The following TP63 variants were observed in gnomAD, a reference collection of about 807,000 sequenced individuals.
TP63 encodes the protein tumor protein p63, also known as tumor protein 63.
In TP63, 17 loss-of-function variants were observed where a neutral mutation model predicts 82.8. The ratio of observed to expected loss-of-function variants is 0.21; its 90% CI spans 0.14 to 0.31. The LOEUF (loss-of-function observed/expected upper bound fraction) is 0.31, where lower values mean the gene tolerates loss of function less well. TP63 is among the 10% of genes least tolerant of loss of function. The pLI is 1.00. For synonymous variants in TP63, 330 were observed against 321.7 expected (o/e 1.03, Z -0.28); for missense variants, 648 against 895.3 (o/e 0.72, Z 3.52).
chr3:189,789,631 T>G, intron 3 of TP63: 1 of 1,372,994 alleles, frequency 7.3e-7, no homozygotes, highest in Non-Finnish European at 9.4e-7. Context: ...TATAGTTGGG[T>G]ATATATTAGG....
intron 9 of TP63, among the ~76,000 whole-genome samples, chr3:189,871,443 A>T (rs1188252451): frequency 6.6e-6 from 1 of 152,214 alleles, no homozygotes; most frequent in Non-Finnish European, 1.5e-5. Flanking sequence ...AGCTCCAAAG[A>T]TGCAAAAACT....
At chr3:189,608,706 A>C in the TP63 span, among the ~76,000 whole-genome samples, 2 of 152,084 alleles carry the variant, frequency 1.3e-5, no homozygotes, top group Admixed American at 6.5e-5. Context: ...TTCATTTTCA[A>C]CTTGTAGCTA....
intron 1 of TP63, among the ~76,000 whole-genome samples, chr3:189,725,782 G>A (rs1484676471): frequency 6.6e-6 from 1 of 152,192 alleles, no homozygotes; most frequent in Non-Finnish European, 1.5e-5. Context: ...CAGGCCGGGT[G>A]TGGTGGCTCA....
rs1451053032 is a variant in TP63, at chr3:189,895,035, TGA to T, written c.*535_*536del. 4.5e-6 allele frequency: 1 copy of T among 220,744 alleles called. No individual in the cohort carries two copies. The highest frequency in any genetic ancestry group is 2.2e-5 in the African/African-American group (1 of 44,552). The allele number at this position is 220,744 out of a possible 1,614,324, so 13.7% of individuals were successfully genotyped here. A position where few individuals can be genotyped will look rare whatever the true frequency, so the allele number is the denominator to read the frequency against. ...GGTATCTAGAGCTTAATGCTACATG[TGA>T]GTGACGATGATGTACAGATTCTTTC... On this transcript the variant is annotated 3_prime_UTR_variant, in exon 14 of 14. Coordinates refer to ENST00000264731, the MANE Select transcript of TP63 (RefSeq NM_003722.5).
At chr3:189,873,848 G>A (rs1452638638) in intron 10 of TP63, among the ~76,000 whole-genome samples, 1 of 152,118 alleles carries the variant, frequency 6.6e-6, no homozygotes, top group Non-Finnish European at 1.5e-5. Flanking sequence ...TGGAAGTATT[G>A]TCAGAGACTC....
chr3:189,751,906 C>T (rs558634134), intron 3 of TP63, among the ~76,000 whole-genome samples: 1 of 152,104 alleles, frequency 6.6e-6, no homozygotes, highest in Non-Finnish European at 1.5e-5. Context: ...TGCCTATGTC[C>T]TCCCTTTTAT....
At chr3:189,746,988 G>GA (rs564194351) in intron 3 of TP63, among the ~76,000 whole-genome samples, 4,452 of 137,936 alleles carry the variant, frequency 0.032, 77 homozygotes, top group Admixed American at 0.055. Context: ...GATTTTAAGG[G>GA]AAAAAAAAAA....
intron 1 of TP63, among the ~76,000 whole-genome samples, chr3:189,662,041 G>A (rs1206691993): frequency 2.6e-5 from 4 of 151,930 alleles, no homozygotes; most frequent in Non-Finnish European, 5.9e-5. Flanking sequence ...TTCTGTGGGT[G>A]AATTTTGGGG....
Position 189,886,416 on chromosome 3 carries a change from T to A in TP63, c.1372T>A (p.Ser458Thr), listed in dbSNP as rs1237515956. Residue 458 changes from serine (S) to threonine (T), a missense_variant, in exon 11 of 14, where the codon TCA becomes ACA. Ser to Thr is a moderately conservative substitution (Grantham distance 58). This residue lies in a region of TP63 where 342 missense variants were observed against 425.7 expected (regional missense o/e 0.80). Coordinates refer to ENST00000264731, the MANE Select transcript of TP63 (RefSeq NM_003722.5). ...TAGGACCTCAATACAGTCTCCATCTTCATATGGTAACAGCTCCCCACCTCT... is the reference window on the plus strand; with the variant it reads ...TAGGACCTCAATACAGTCTCCATCTACATATGGTAACAGCTCCCCACCTCT... Reference protein sequence around the residue: ...QKQTSIQSPSSYGNSSPPLNK... With the variant: ...QKQTSIQSPSTYGNSSPPLNK... The A allele has an allele frequency of 6.2e-6, 10 of 1,614,134 alleles. No homozygotes were observed. The highest frequency in any genetic ancestry group is 8.5e-6 in the Non-Finnish European group (10 of 1,179,998).
intron 1 of TP63, among the ~76,000 whole-genome samples, chr3:189,735,839 A>G (rs1300889324): frequency 6.6e-6 from 1 of 151,090 alleles, no homozygotes; most frequent in Non-Finnish European, 1.5e-5. Context: ...AAAATGAAAT[A>G]CACACACATA....
chr3:189,845,593 G>A (rs1714755687), intron 4 of TP63, among the ~76,000 whole-genome samples: 1 of 151,658 alleles, frequency 6.6e-6, no homozygotes. Context: ...CATAAAGTGA[G>A]ACTAATATGT....
At chr3:189,634,038 G>A (rs1729616497) in intron 1 of TP63, among the ~76,000 whole-genome samples, 1 of 152,002 alleles carries the variant, frequency 6.6e-6, no homozygotes, top group Non-Finnish European at 1.5e-5. Context: ...TATCACTGAA[G>A]GAATTAGTAT....
At chr3:189,826,649 A>C (rs1711506329) in intron 4 of TP63, among the ~76,000 whole-genome samples, 2 of 152,168 alleles carry the variant, frequency 1.3e-5, no homozygotes, top group Non-Finnish European at 2.9e-5. Context: ...TTTGGCTTGA[A>C]ATATTTTCAG....
chr3:189,598,201 A>G, the TP63 span, among the ~76,000 whole-genome samples: 1 of 152,036 alleles, frequency 6.6e-6, no homozygotes, highest in East Asian at 1.9e-4. Context: ...GAAACACAAT[A>G]AATAAAACAA....
intron 3 of TP63, among the ~76,000 whole-genome samples, chr3:189,779,562 G>A (rs965583378): frequency 2.6e-5 from 4 of 152,178 alleles, no homozygotes; most frequent in African/African-American, 9.7e-5. Context: ...TAAAAAAGGT[G>A]ATTTGCTCTG....
intron 1 of TP63, among the ~76,000 whole-genome samples, chr3:189,649,563 C>A (rs28612247): frequency 0.33 from 47,930 of 145,922 alleles, 11,181 homozygotes; most frequent in Middle Eastern, 0.51. Context: ...ATATTTACAG[C>A]AGAGCCCTGT....
chr3:189,838,702 A>G (rs1364218628), intron 4 of TP63, among the ~76,000 whole-genome samples: 2 of 152,156 alleles, frequency 1.3e-5, no homozygotes, highest in African/African-American at 2.4e-5. Flanking sequence ...GGGTTCCCTT[A>G]AAAAAGGAGA....
At chr3:189,886,039 C>T (rs1720410516) in intron 10 of TP63, among the ~76,000 whole-genome samples, 1 of 152,066 alleles carries the variant, frequency 6.6e-6, no homozygotes. Flanking sequence ...AATTCTTTTC[C>T]CTAACTGCTT....
intron 3 of TP63, among the ~76,000 whole-genome samples, chr3:189,747,967 C>T (rs1436617754): frequency 4.6e-5 from 7 of 151,950 alleles, no homozygotes; most frequent in East Asian, 1.9e-4. Context: ...GAAATTGACA[C>T]GTTCCTGGAC....
Sources: allele counts gnomAD v4.1 joint callset (sites outside exome capture counted in the v4.1 genomes callset), GRCh38; gene constraint gnomAD v4.1.1; regional missense constraint gnomAD v4.1.1; transcripts MANE v1.5; gene names NCBI Gene and HGNC (gene_info 2026-07-23, HGNC 2026-07-21).